MDGA2: variants seen among roughly 807,000 people sequenced by gnomAD.
MDGA2 encodes MAM domain-containing glycosylphosphatidylinositol anchor protein 2.
Under a neutral mutation model 117.8 loss-of-function variants are expected in MDGA2, and 40 were observed. The observed-to-expected ratio is 0.34, with a 90% CI of 0.26 to 0.44. The LOEUF is 0.44. MDGA2 is among the 20% of genes least tolerant of loss of function. The pLI is 1.00. For synonymous variants in MDGA2, 452 were observed against 439.0 expected, an observed-to-expected ratio of 1.03 and a Z score of -0.37; for missense variants, 1,123 against 1,250.6, an observed-to-expected ratio of 0.90 and a Z score of 1.54.
At chr14:47,586,303 A>G (rs1896323904) in intron 1 of MDGA2, among the ~76,000 whole-genome samples, 1 of 151,890 alleles carries the variant, frequency 6.6e-6, no homozygotes, top group Admixed American at 6.6e-5. Flanking sequence ...ATGTTAGTCA[A>G]TGAGATTTAG....
chr14:47,114,635 A>T (rs1053689253), intron 5 of MDGA2, among the ~76,000 whole-genome samples: 1 of 152,158 alleles, frequency 6.6e-6, no homozygotes, highest in Non-Finnish European at 1.5e-5. Context: ...CAACCATCTG[A>T]TCTTCGACAA....
chr14:47,307,129 T>C (rs1046379382), intron 1 of MDGA2, among the ~76,000 whole-genome samples: 1 of 152,208 alleles, frequency 6.6e-6, no homozygotes, highest in Non-Finnish European at 1.5e-5. Flanking sequence ...CTTCTGTTTA[T>C]CTCAAAATGT....
At chr14:47,532,509 C>T (rs1406053862) in intron 1 of MDGA2, among the ~76,000 whole-genome samples, 1 of 152,172 alleles carries the variant, frequency 6.6e-6, no homozygotes, top group African/African-American at 2.4e-5. Context: ...TCTAGCCCTG[C>T]TCTCTCTTCT....
chr14:47,623,286 T>A (rs1029310355), intron 1 of MDGA2, among the ~76,000 whole-genome samples: 3 of 152,152 alleles, frequency 2.0e-5, no homozygotes, highest in Non-Finnish European at 4.4e-5. Context: ...TCCAAAACTG[T>A]GAGACATAAA....
chr14:46,909,012 A>G (rs988141815), intron 10 of MDGA2, among the ~76,000 whole-genome samples: 1 of 152,078 alleles, frequency 6.6e-6, no homozygotes, highest in African/African-American at 2.4e-5. Flanking sequence ...CTTTCCCTCT[A>G]TGTCTGTTTT....
At chr14:47,019,386 C>G (rs575402532) in intron 8 of MDGA2, among the ~76,000 whole-genome samples, 1 of 152,186 alleles carries the variant, frequency 6.6e-6, no homozygotes, top group East Asian at 1.9e-4. Context: ...AAAGTCAGTT[C>G]ATTGTTATTT....
At chr14:47,599,944 C>T (rs1449604461) in intron 1 of MDGA2, among the ~76,000 whole-genome samples, 1 of 152,102 alleles carries the variant, frequency 6.6e-6, no homozygotes, top group Non-Finnish European at 1.5e-5. Flanking sequence ...CACATATCCT[C>T]AATAATGTCA....
At chr14:47,237,519 C>T (rs1444544549) in intron 2 of MDGA2, among the ~76,000 whole-genome samples, 2 of 152,070 alleles carry the variant, frequency 1.3e-5, no homozygotes, top group Non-Finnish European at 2.9e-5. Context: ...AAACAACAAT[C>T]AAGATATTCT....
intron 9 of MDGA2, among the ~76,000 whole-genome samples, chr14:46,947,807 T>A (rs571760173): frequency 3.3e-5 from 5 of 152,000 alleles, no homozygotes; most frequent in Non-Finnish European, 5.9e-5. Flanking sequence ...GAAAACAGAC[T>A]AATACAGTCG....
rs550642586 is a variant in MDGA2, at chr14:46,960,090, G to A, written c.1820-2447C>T. Among the ~76,000 whole-genome samples, 24 of 151,960 alleles carry A rather than the reference G, an allele frequency of 1.6e-4. 1 individual carries two copies. In the South Asian group the frequency reaches 3.3e-3, roughly 21 times the overall value. Reference sequence around the variant, plus strand: ...TACAAAAATTAGCCGGGCATGTGGCGTGTGGCTGTAGCCCCAGCTACTTGG... The same window carrying A: ...TACAAAAATTAGCCGGGCATGTGGCATGTGGCTGTAGCCCCAGCTACTTGG... On this transcript the variant is annotated intron_variant, in intron 8 of 16. Coordinates refer to ENST00000399232, the MANE Select transcript of MDGA2 (RefSeq NM_001113498.3).
At chr14:47,391,915 T>A (rs1891903855) in intron 1 of MDGA2, among the ~76,000 whole-genome samples, 1 of 152,178 alleles carries the variant, frequency 6.6e-6, no homozygotes, top group Admixed American at 6.6e-5. Flanking sequence ...TGACACCTCT[T>A]TATGTTAATT....
intron 1 of MDGA2, among the ~76,000 whole-genome samples, chr14:47,521,316 T>C (rs999776479): frequency 3.3e-5 from 5 of 152,210 alleles, no homozygotes; most frequent in Non-Finnish European, 7.4e-5. Context: ...CAAAGTTCCC[T>C]GACTCATCAT....
chr14:46,995,634 T>G (rs1477914167), intron 8 of MDGA2, among the ~76,000 whole-genome samples: 2 of 152,014 alleles, frequency 1.3e-5, no homozygotes, highest in African/African-American at 4.8e-5. Flanking sequence ...TTTTAATGTT[T>G]CATTTGATAA....
chr14:47,021,498 T>C (rs762179086), intron 8 of MDGA2, among the ~76,000 whole-genome samples: 1 of 152,214 alleles, frequency 6.6e-6, no homozygotes, highest in African/African-American at 2.4e-5. Flanking sequence ...TATATAATTA[T>C]GTATGCCTCT....
At chr14:47,186,344 G>T (rs951541213) in intron 3 of MDGA2, among the ~76,000 whole-genome samples, 11 of 151,554 alleles carry the variant, frequency 7.3e-5, no homozygotes, top group Non-Finnish European at 1.2e-4. Context: ...TCATATGAAA[G>T]AATAAATTGC....
intron 1 of MDGA2, among the ~76,000 whole-genome samples, chr14:47,310,683 A>T (rs2139840972): frequency 6.6e-6 from 1 of 152,198 alleles, no homozygotes; most frequent in African/African-American, 2.4e-5. Flanking sequence ...TTAGATATTT[A>T]CCAAATCAGT....
intron 1 of MDGA2, among the ~76,000 whole-genome samples, chr14:47,438,356 A>T (rs1455014036): frequency 6.6e-6 from 1 of 152,172 alleles, no homozygotes; most frequent in Non-Finnish European, 1.5e-5. Flanking sequence ...AGTGGCACAT[A>T]TATCTAACCA....
Position 46,851,454 on chromosome 14 carries a change from C to G in MDGA2, c.2883+3570G>C, listed in dbSNP as rs563277657. Among the ~76,000 whole-genome samples, 35 of 151,910 alleles carry G rather than the reference C, an allele frequency of 2.3e-4. 1 individual carries two copies. In the South Asian group the frequency reaches 7.2e-3, roughly 31 times the overall value. Reference sequence around the variant, plus strand: ...AAGCACTGATCATGCTAAGTTAATTCTAGTAAATGAACCCAACATAAATTT... The same window carrying G: ...AAGCACTGATCATGCTAAGTTAATTGTAGTAAATGAACCCAACATAAATTT... On this transcript the variant is annotated intron_variant, in intron 15 of 16. Coordinates refer to ENST00000399232, the MANE Select transcript of MDGA2 (RefSeq NM_001113498.3).
At chr14:47,221,571 C>G (rs1382262391) in intron 2 of MDGA2, among the ~76,000 whole-genome samples, 1 of 151,490 alleles carries the variant, frequency 6.6e-6, no homozygotes, top group Non-Finnish European at 1.5e-5. Flanking sequence ...GCCTATAGTC[C>G]CAGCTATTTG....
Sources: gnomAD v4.1 joint callset for allele counts (sites outside exome capture counted in the v4.1 genomes callset) on GRCh38, gnomAD v4.1.1 for gene constraint, MANE v1.5 for transcripts, NCBI Gene and HGNC (gene_info 2026-07-23, HGNC 2026-07-21) for gene names.